The following CNTN1 variants were observed in gnomAD, a reference collection of about 807,000 sequenced individuals.
CNTN1 encodes contactin 1.
In CNTN1, 38 loss-of-function variants were observed where a neutral mutation model predicts 126.4. That is an observed-to-expected ratio of 0.30 (90% confidence interval 0.23 to 0.39). The LOEUF (loss-of-function observed/expected upper bound fraction) is 0.39, where lower values mean the gene tolerates loss of function less well. CNTN1 is among the 10% of genes least tolerant of loss of function. The pLI, the probability that CNTN1 is intolerant of heterozygous loss-of-function variation, is 1.00. For synonymous variants in CNTN1, 413 were observed against 422.6 expected (o/e 0.98, Z 0.28); for missense variants, 1,009 against 1,248.4 (o/e 0.81, Z 2.89).
intron 12 of CNTN1, among the ~76,000 whole-genome samples, chr12:40,942,333 A>T (rs1946289713): frequency 6.6e-6 from 1 of 152,136 alleles, no homozygotes; most frequent in Admixed American, 6.6e-5. Flanking sequence ...GGCTTGGAAA[A>T]GTATTTTACT....
chr12:40,706,784 C>T (rs898117971), intron 1 of CNTN1, among the ~76,000 whole-genome samples: 2 of 152,112 alleles, frequency 1.3e-5, no homozygotes, highest in Admixed American at 1.3e-4. Context: ...ATAACTGATA[C>T]ATTATAAGGC....
At chr12:40,733,612 T>C (rs1942550659) in intron 1 of CNTN1, among the ~76,000 whole-genome samples, 1 of 151,958 alleles carries the variant, frequency 6.6e-6, no homozygotes, top group African/African-American at 2.4e-5. Flanking sequence ...TTCCCAGTAG[T>C]GTTTGTTCAA....
chr12:40,951,715 T>TAAA (rs71078286), intron 14 of CNTN1, among the ~76,000 whole-genome samples: 11 of 110,042 alleles, frequency 1.0e-4, no homozygotes, highest in South Asian at 6.2e-4. Context: ...TCTCAAAATT[T>TAAA]AAAAAAAAAA....
At chr12:41,038,979 G>T (rs1197673212) in intron 23 of CNTN1, among the ~76,000 whole-genome samples, 1 of 152,112 alleles carries the variant, frequency 6.6e-6, no homozygotes, top group African/African-American at 2.4e-5. Context: ...CAGTACGAAA[G>T]CCCTGAACTG....
At chr12:41,068,746 C>T (rs1324476356) in intron 23 of CNTN1, among the ~76,000 whole-genome samples, 1 of 152,132 alleles carries the variant, frequency 6.6e-6, no homozygotes, top group Admixed American at 6.5e-5. Flanking sequence ...AGAGAGTAAA[C>T]TTCCAAAAAT....
chr12:40,855,968 C>A (rs1042863624), intron 1 of CNTN1, among the ~76,000 whole-genome samples: 1 of 152,094 alleles, frequency 6.6e-6, no homozygotes, highest in Admixed American at 6.6e-5. Context: ...TATTTCTCAA[C>A]ATTTATATCA....
intron 23 of CNTN1, among the ~76,000 whole-genome samples, chr12:41,057,672 G>T (rs971831230): frequency 1.3e-5 from 2 of 152,054 alleles, no homozygotes; most frequent in Non-Finnish European, 1.5e-5. Flanking sequence ...AGGTAGAGAG[G>T]TATGATTGGA....
chr12:41,024,176 C>T (rs1351107405), intron 20 of CNTN1, among the ~76,000 whole-genome samples: 1 of 152,052 alleles, frequency 6.6e-6, no homozygotes, highest in Non-Finnish European at 1.5e-5. Context: ...TAGTTTCTTA[C>T]ATGTTTATGT....
Position 41,043,334 on chromosome 12 carries a change from G to C in CNTN1, c.2980+14115G>C, listed in dbSNP as rs35456003. ...AAACAAACAACCCCATCAAAAAGTG[G>C]GCAAAGGACATGAACAGACACTTCT... On this transcript the variant is annotated intron_variant, in intron 23 of 23. Coordinates refer to ENST00000551295, the MANE Select transcript of CNTN1 (RefSeq NM_001843.4). Among the ~76,000 whole-genome samples, 6 of 152,042 alleles carry C rather than the reference G, an allele frequency of 3.9e-5. No individual in the cohort carries two copies. In the East Asian group the frequency reaches 1.2e-3, roughly 29 times the overall value.
chr12:40,890,099 T>C (rs1309427324), intron 1 of CNTN1, among the ~76,000 whole-genome samples: 1 of 152,206 alleles, frequency 6.6e-6, no homozygotes, highest in Non-Finnish European at 1.5e-5. Context: ...ATATGGACTA[T>C]CTCTAAGGTC....
intron 23 of CNTN1, among the ~76,000 whole-genome samples, chr12:41,032,077 C>T (rs1949155811): frequency 6.6e-6 from 1 of 152,122 alleles, no homozygotes; most frequent in Admixed American, 6.6e-5. Context: ...GCCTACAATA[C>T]AGCAATCACA....
chr12:40,780,367 T>C (rs1474715193), intron 1 of CNTN1, among the ~76,000 whole-genome samples: 1 of 151,862 alleles, frequency 6.6e-6, no homozygotes, highest in Non-Finnish European at 1.5e-5. Flanking sequence ...TTAAGACCCC[T>C]AGGAATTCAA....
rs569730835 is a variant in CNTN1 at position 40,783,963 on chromosome 12, C to T, written c.-77+91371C>T. On this transcript the variant is annotated intron_variant, in intron 1 of 23. Coordinates refer to ENST00000551295, the MANE Select transcript of CNTN1 (RefSeq NM_001843.4). ...GTAGATTAAATTTGTCAATTTTATG[C>T]TAAATTTTCAGCTAACAGTAAAGAA... Among the ~76,000 whole-genome samples, 3 of 152,156 alleles carry T rather than the reference C, an allele frequency of 2.0e-5. No homozygotes were observed. In the South Asian group the frequency reaches 6.2e-4, roughly 32 times the overall value.
At chr12:40,769,265 C>CTT (rs35426832) in intron 1 of CNTN1, among the ~76,000 whole-genome samples, 1 of 151,852 alleles carries the variant, frequency 6.6e-6, no homozygotes, top group African/African-American at 2.4e-5. Flanking sequence ...AACAATATAT[C>CTT]TTTTTTTCTG....
chr12:41,031,028 C>G (rs1949135679), intron 23 of CNTN1, among the ~76,000 whole-genome samples: 1 of 152,158 alleles, frequency 6.6e-6, no homozygotes, highest in Admixed American at 6.5e-5. Context: ...GGCCTTCTTT[C>G]TCTTGTGTAG....
At chr12:40,711,916 TG>T (rs1941923515) in intron 1 of CNTN1, among the ~76,000 whole-genome samples, 2 of 152,100 alleles carry the variant, frequency 1.3e-5, no homozygotes, top group Non-Finnish European at 2.9e-5. Context: ...TTGCTATGTT[TG>T]CTATGTTTTC....
intron 18 of CNTN1, among the ~76,000 whole-genome samples, chr12:41,014,685 T>G (rs777231319): frequency 1.3e-5 from 2 of 152,208 alleles, no homozygotes; most frequent in African/African-American, 4.8e-5. Context: ...AATTGGAGAC[T>G]GCCTCCTCAC....
intron 1 of CNTN1, among the ~76,000 whole-genome samples, chr12:40,874,789 T>C (rs1943615072): frequency 6.6e-6 from 1 of 152,174 alleles, no homozygotes; most frequent in African/African-American, 2.4e-5. Context: ...TGCTATAGCA[T>C]AATAAATGAT....
At chr12:41,055,924 T>G (rs1949792285) in intron 23 of CNTN1, among the ~76,000 whole-genome samples, 1 of 152,166 alleles carries the variant, frequency 6.6e-6, no homozygotes, top group Non-Finnish European at 1.5e-5. Flanking sequence ...TACCTAGATC[T>G]TCTTTTGAGT....
Sources: allele counts gnomAD v4.1 joint callset (sites outside exome capture counted in the v4.1 genomes callset), GRCh38; gene constraint gnomAD v4.1.1; transcripts MANE v1.5; gene names NCBI Gene and HGNC (gene_info 2026-07-23, HGNC 2026-07-21).